The following KIN variants were observed in gnomAD, a reference collection of about 807,000 sequenced individuals.
The protein encoded by KIN is DNA/RNA-binding protein KIN17.
In KIN, 47 loss-of-function variants were observed where a neutral mutation model predicts 63.0. The observed-to-expected ratio is 0.75, with a 90% CI of 0.59 to 0.95. The LOEUF is 0.95. KIN is among the 40% of genes least tolerant of loss of function. The pLI is 0.00. For synonymous variants in KIN, 160 were observed against 157.7 expected (o/e 1.01, Z -0.11); for missense variants, 408 against 460.9 (o/e 0.89, Z 1.05).
Position 7,752,445 on chromosome 10 carries a change from A to G in KIN, c.*3635T>C, listed in dbSNP as rs1235002004. The G allele has an allele frequency of 6.6e-6, 1 of 152,250 alleles. No individual in the cohort carries two copies. Among genetic ancestry groups the G allele is most frequent in the Non-Finnish European group, 1.5e-5 (1 of 68,050 alleles). The allele number at this position is 152,250 out of a possible 1,614,324, so 9.4% of individuals were successfully genotyped here. ...ACATCAAATGCTGACGGAGATGCAG[A>G]GCAGCAGGAACTCTCATTCACTGCT... On this transcript the variant is annotated 3_prime_UTR_variant, in exon 13 of 13. Coordinates refer to ENST00000379562, the MANE Select transcript of KIN (RefSeq NM_012311.4).
At chr10:7,756,534 C>G (rs1835336134) in intron 12 of KIN, among the ~76,000 whole-genome samples, 1 of 152,196 alleles carries the variant, frequency 6.6e-6, no homozygotes, top group African/African-American at 2.4e-5. Context: ...CACAATCTGC[C>G]AAGCTCCTTT....
At chr10:7,761,040 A>G (rs1469067498) in intron 11 of KIN, among the ~76,000 whole-genome samples, 1 of 152,222 alleles carries the variant, frequency 6.6e-6, no homozygotes, top group African/African-American at 2.4e-5. Context: ...TATGACAGAA[A>G]GCATGTCAGC....
At chr10:7,762,114 T>C (rs947619709) in intron 11 of KIN, among the ~76,000 whole-genome samples, 4 of 152,088 alleles carry the variant, frequency 2.6e-5, no homozygotes, top group Non-Finnish European at 5.9e-5. Context: ...AAATCCAAAA[T>C]TGGAAACTCT....
intron 4 of KIN, among the ~76,000 whole-genome samples, chr10:7,779,524 TCAAC>T (rs931839462): frequency 2.0e-4 from 30 of 151,108 alleles, no homozygotes; most frequent in African/African-American, 7.2e-4. Context: ...GTATGTGAAT[TCAAC>T]CAACCGTGGG....
At position 7,755,878 on chromosome 10, in the gene KIN, C is replaced by A; in HGVS notation, c.*202G>T. The A allele has an allele frequency of 2.6e-6, 1 of 380,904 alleles. No homozygotes were observed. The highest frequency in any genetic ancestry group is 4.7e-6 in the Non-Finnish European group (1 of 213,630). The allele number at this position is 380,904 out of a possible 1,614,324, so 23.6% of individuals were successfully genotyped here. On this transcript the variant is annotated 3_prime_UTR_variant, in exon 13 of 13. Coordinates refer to ENST00000379562, the MANE Select transcript of KIN (RefSeq NM_012311.4). ...ACAAAGGAAACAAAAATAACAAGGA[C>A]AAAATTACATAGTTTGATACCTCAT...
At chr10:7,778,702 G>T in intron 5 of KIN, 136 bp downstream of exon 5, 1 of 872,976 alleles carries the variant, frequency 1.1e-6, no homozygotes, top group Non-Finnish European at 1.8e-6. Context: ...TTGCGCTACT[G>T]CACTCCAGCC....
rs1588474505 is a variant in KIN at position 7,766,032 on chromosome 10, A to C, written c.849+21T>G. Reference sequence around the variant, plus strand: ...CTTAAACATACATTTAGAACTTAAGAAACTCCAACTGAATACTTACAGGCT... The same window carrying C: ...CTTAAACATACATTTAGAACTTAAGCAACTCCAACTGAATACTTACAGGCT... On this transcript the variant is annotated intron_variant, in intron 9 of 12. Transcript: ENST00000379562. 2.5e-6 allele frequency: 4 copies of C among 1,578,782 alleles called. No homozygotes were observed. The African/African-American group carries it at 5.5e-5, about 22-fold the overall frequency.
chr10:7,769,023 A>AT (rs1424953144), intron 8 of KIN, among the ~76,000 whole-genome samples, 193 bp downstream of exon 8: 1 of 152,182 alleles, frequency 6.6e-6, no homozygotes, highest in East Asian at 1.9e-4. Context: ...TCTCAAAAAA[A>AT]TAAAAAACAA....
intron 11 of KIN, among the ~76,000 whole-genome samples, chr10:7,760,341 T>C (rs1835415155): frequency 6.6e-6 from 1 of 152,194 alleles, no homozygotes; most frequent in Non-Finnish European, 1.5e-5. Context: ...ATTCATAAGA[T>C]GGTTTGGCAG....
chr10:7,787,749 C>A (rs1162016346), intron 1 of KIN, 71 bp downstream of exon 1: 1 of 1,242,218 alleles, frequency 8.1e-7, no homozygotes, highest in African/African-American at 1.5e-5. Flanking sequence ...CCCTCAGCCC[C>A]GCGTCCAGGA....
intron 6 of KIN, 30 bp downstream of exon 6, chr10:7,775,721 A>T: frequency 1.5e-6 from 2 of 1,296,502 alleles, no homozygotes; most frequent in Non-Finnish European, 2.1e-6. Context: ...ATCTATGTTT[A>T]AAAAAAGAAA....
chr10:7,772,758 CAAAT>C (rs1196239613), intron 7 of KIN, among the ~76,000 whole-genome samples: 3 of 151,944 alleles, frequency 2.0e-5, no homozygotes, highest in Admixed American at 2.0e-4. Flanking sequence ...GATAACTTAT[CAAAT>C]AAATTATCAA....
At chr10:7,770,227 G>A (rs1046752966) in intron 7 of KIN, among the ~76,000 whole-genome samples, 6 of 152,092 alleles carry the variant, frequency 3.9e-5, no homozygotes, top group Admixed American at 6.5e-5. Context: ...CACCGTGCCC[G>A]GCTGACAGTG....
At chr10:7,756,405 T>C (rs1275430659) in intron 12 of KIN, among the ~76,000 whole-genome samples, 1 of 152,246 alleles carries the variant, frequency 6.6e-6, no homozygotes. Context: ...CAGTATCTCC[T>C]CTGCTTCCTG....
chr10:7,757,569 C>A (rs1835355898), intron 12 of KIN, among the ~76,000 whole-genome samples: 1 of 151,806 alleles, frequency 6.6e-6, no homozygotes, highest in Non-Finnish European at 1.5e-5. Flanking sequence ...TTAATCCTCT[C>A]CCTTGCAAAA....
At chr10:7,772,668 A>G (rs1835690121) in intron 7 of KIN, among the ~76,000 whole-genome samples, 1 of 152,216 alleles carries the variant, frequency 6.6e-6, no homozygotes, top group Non-Finnish European at 1.5e-5. Flanking sequence ...GATGTCTTTC[A>G]ATTGTATTAC....
intron 5 of KIN, among the ~76,000 whole-genome samples, chr10:7,778,001 C>T (rs1010584934): frequency 1.3e-5 from 2 of 152,040 alleles, no homozygotes; most frequent in African/African-American, 4.8e-5. Flanking sequence ...ACAGCGGAGG[C>T]GCTTATAAAT....
intron 12 of KIN, among the ~76,000 whole-genome samples, chr10:7,758,843 T>C (rs573252635): frequency 4.4e-4 from 67 of 152,184 alleles, no homozygotes; most frequent in Non-Finnish European, 8.8e-5. Flanking sequence ...CAATGCCAAG[T>C]AGGAGTCCTT....
Position 7,752,964 on chromosome 10 carries a change from G to T in KIN, c.*3116C>A, listed in dbSNP as rs1187597311. The T allele has an allele frequency of 6.6e-6, 1 of 152,156 alleles. No individual in the cohort carries two copies. 9.4% of individuals were successfully genotyped at this position (152,156 alleles called of 1,614,324 possible). A position where few individuals can be genotyped will look rare whatever the true frequency, so the allele number is the denominator to read the frequency against. ...GAACACAGGAAACTTCTAGGGCAGT[G>T]AAACTGTTCTGTGTGATACTACAGT... is the stretch of plus-strand genomic sequence containing the variant. On this transcript the variant is annotated 3_prime_UTR_variant, in exon 13 of 13. Transcript: ENST00000379562.
Sources: gnomAD v4.1 joint callset for allele counts (sites outside exome capture counted in the v4.1 genomes callset) on GRCh38, gnomAD v4.1.1 for gene constraint, MANE v1.5 for transcripts, NCBI Gene and HGNC (gene_info 2026-07-23, HGNC 2026-07-21) for gene names.